The following PPP6R1 variants were observed in gnomAD, a reference collection of about 807,000 sequenced individuals.
The protein encoded by PPP6R1 is protein phosphatase 6 regulatory subunit 1.
A neutral mutation model predicts 104.6 loss-of-function variants in PPP6R1; 39 were observed. The observed-to-expected ratio is 0.37, with a 90% CI of 0.29 to 0.49. The LOEUF (loss-of-function observed/expected upper bound fraction) is 0.49. Ranked by LOEUF, PPP6R1 falls within the 20% of genes least tolerant of loss-of-function variation. PPP6R1 has a pLI of 0.98. For synonymous variants in PPP6R1, 549 were observed against 479.0 expected, an observed-to-expected ratio of 1.15 and a Z score of -1.91; for missense variants, 1,181 against 1,155.8, an observed-to-expected ratio of 1.02 and a Z score of -0.32.
intron 1 of PPP6R1, among the ~76,000 whole-genome samples, chr19:55,250,482 C>G (rs1396437956): frequency 6.6e-6 from 1 of 152,220 alleles, no homozygotes; most frequent in Non-Finnish European, 1.5e-5. Context: ...GGGACTAGCC[C>G]TGGCCACAGT....
intron 1 of PPP6R1, among the ~76,000 whole-genome samples, chr19:55,256,470 G>A (rs1013978752): frequency 5.9e-5 from 9 of 152,168 alleles, no homozygotes; most frequent in Admixed American, 2.0e-4. Context: ...GGACACAATC[G>A]CCCCCAGTTG....
Position 55,241,331 on chromosome 19 carries a change from G to GCAGC in PPP6R1, c.1065_1068dup (p.His357AlafsTer15). On this transcript the variant is annotated frameshift_variant, in exon 9 of 24. Transcript: ENST00000412770. LOFTEE classifies it high-confidence loss of function. This position sits in a 1 kb window ranked among gnomAD's most constrained non-coding sequence, Gnocchi z 5.4. ...GCACTGGCCAGGAGCTTGACCACGT[G>GCAGC]CAGCCGCGTGTTGCCCAGAGGCGGA... is the stretch of plus-strand genomic sequence containing the variant. The GCAGC allele has an allele frequency of 1.2e-6, 2 of 1,611,794 alleles. No homozygotes were observed. Among genetic ancestry groups the GCAGC allele is most frequent in the Non-Finnish European group, 1.7e-6 (2 of 1,179,750 alleles).
chr19:55,242,827 T>C (rs1259749197), intron 5 of PPP6R1, among the ~76,000 whole-genome samples: 2 of 152,098 alleles, frequency 1.3e-5, no homozygotes, highest in Non-Finnish European at 2.9e-5. Flanking sequence ...AGAGTGCTAA[T>C]CAGCCAGGAA....
intron 16 of PPP6R1, 24 bp from the exon 17 acceptor site, chr19:55,236,845 A>C (rs1373801436): frequency 3.1e-6 from 5 of 1,613,584 alleles, no homozygotes; most frequent in Non-Finnish European, 4.2e-6. Flanking sequence ...GGGTGGGAGG[A>C]TGGGCCACAC....
chr19:55,255,034 G>A (rs1410328338), intron 1 of PPP6R1, among the ~76,000 whole-genome samples: 2 of 152,156 alleles, frequency 1.3e-5, no homozygotes, highest in Non-Finnish European at 2.9e-5. Context: ...AAGGGGGAGC[G>A]GCCCAAGGCC....
chr19:55,246,848 A>G (rs1319676489), intron 2 of PPP6R1, 29 bp downstream of exon 2: 1 of 1,526,152 alleles, frequency 6.6e-7, no homozygotes, highest in Admixed American at 2.0e-5. Flanking sequence ...GCTGATAGGG[A>G]CGGGCTGGCC....
At chr19:55,240,648 C>T (rs2087447075) in intron 10 of PPP6R1, among the ~76,000 whole-genome samples, 2 of 150,454 alleles carry the variant, frequency 1.3e-5, no homozygotes, top group South Asian at 4.2e-4. Flanking sequence ...CACACGCTTG[C>T]ACTGACACAT....
At chr19:55,237,088 G>A in intron 15 of PPP6R1, 118 bp from the exon 16 acceptor site, 1 of 1,110,276 alleles carries the variant, frequency 9.0e-7, no homozygotes, top group South Asian at 1.3e-5. Flanking sequence ...TGCAGATTTG[G>A]TATCTGCAAA....
intron 2 of PPP6R1, among the ~76,000 whole-genome samples, chr19:55,246,090 G>C (rs1242204617): frequency 6.6e-6 from 1 of 152,072 alleles, no homozygotes; most frequent in East Asian, 1.9e-4. Flanking sequence ...ACTTTCACAC[G>C]GTGCCTGACG....
intron 17 of PPP6R1, among the ~76,000 whole-genome samples, chr19:55,233,746 T>C (rs1004306106): frequency 3.3e-5 from 5 of 152,178 alleles, no homozygotes; most frequent in African/African-American, 1.2e-4. Context: ...CCTCATACTC[T>C]AAAACCTACG....
downstream of PPP6R1, chr19:55,228,790 A>T (rs2087310889): frequency 3.1e-6 from 5 of 1,587,492 alleles, no homozygotes; most frequent in Non-Finnish European, 4.3e-6. Flanking sequence ...GAGTGGCTTC[A>T]GGGGGTGGAG....
chr19:55,235,300 A>G (rs1216324299), intron 17 of PPP6R1, among the ~76,000 whole-genome samples: 2 of 151,986 alleles, frequency 1.3e-5, no homozygotes, highest in African/African-American at 4.8e-5. Context: ...TACTGGAATT[A>G]GAGAAGAGAG....
At position 55,245,176 on chromosome 19, in the gene PPP6R1, C is replaced by T. The variant is rs62126345; in HGVS notation, c.562G>A (p.Glu188Lys). The change falls in exon 5 of 24, where the codon GAG becomes AAG. Residue 188 changes from glutamate (E) to lysine (K), a missense_variant. Glu to Lys is a moderately conservative substitution (Grantham distance 56). This residue lies in a region of PPP6R1 where 1,042 missense variants were observed against 955.6 expected (regional missense o/e 1.09). Transcript: ENST00000412770. The surrounding 1 kb of genome is among the most constrained non-coding windows in gnomAD (Gnocchi z 6.4). ...ATCAGCCGCTGGACGATCTTCTCCT[C>T]GTTGAGCCACTGAGGGTGAGAAGGC... ...LRQDVVNWLNEEKIVQRLIEQ... is the reference protein window; with the variant it reads ...LRQDVVNWLNKEKIVQRLIEQ... The T allele has an allele frequency of 1.4e-4, 218 of 1,612,860 alleles. No homozygotes were observed. Among genetic ancestry groups the T allele is most frequent in the Non-Finnish European group, 1.8e-4 (214 of 1,179,592 alleles).
At position 55,246,652 on chromosome 19, in the gene PPP6R1, C is replaced by A. The variant is rs1020286436; in HGVS notation, c.227+225G>T. On this transcript the variant is annotated intron_variant, in intron 2 of 23. Coordinates refer to ENST00000412770, the MANE Select transcript of PPP6R1 (RefSeq NM_014931.4). ...ACCTGGGCCCGTGAATTTGTGGCTG[C>A]CGTGACCCGTGACTGTGCCACTGCC... Among the ~76,000 whole-genome samples the A allele has an allele frequency of 3.9e-5, 6 of 152,192 alleles. No individual in the cohort carries two copies. In the South Asian group the frequency reaches 1.2e-3, roughly 32 times the overall value.
At position 55,236,636 on chromosome 19, in the gene PPP6R1, G is replaced by A. The variant is rs1222105358; in HGVS notation, c.1988+7C>T. 14 of 1,533,860 alleles carry A rather than the reference G, an allele frequency of 9.1e-6. No homozygotes were observed. The highest frequency in any genetic ancestry group is 1.2e-5 in the Non-Finnish European group (14 of 1,145,914). The stretch of plus-strand genomic sequence containing the variant: ...GCTTGGAGAAGGGAAACTGGAGGGG[G>A]ACTCACCGGACACCAGGTGGCTGGC... On this transcript the variant is annotated splice_region_variant and intron_variant, in intron 17 of 23. Coordinates refer to ENST00000412770, the MANE Select transcript of PPP6R1 (RefSeq NM_014931.4).
chr19:55,240,968 T>A lies in PPP6R1; in HGVS notation c.1273A>T (p.Ile425Phe), dbSNP rs766414436. The change falls in exon 10 of 24, where the codon ATC (isoleucine) becomes TTC (phenylalanine). Residue 425 changes from isoleucine (I) to phenylalanine (F), a missense_variant. Physicochemically the swap from Ile to Phe is conservative, Grantham distance 21. This residue lies in a region of PPP6R1 where 1,042 missense variants were observed against 955.6 expected (regional missense o/e 1.09). Coordinates refer to ENST00000412770, the MANE Select transcript of PPP6R1 (RefSeq NM_014931.4). ...ACATGTTTCACAACAGGGTTTTGGATGGGCGTCTCAGGGCTGCTGTCAGGA... is the reference window on the plus strand; with the variant it reads ...ACATGTTTCACAACAGGGTTTTGGAAGGGCGTCTCAGGGCTGCTGTCAGGA... ...PPPDSSPETP[I>F]QNPVVKHLLQ... 10 of 1,604,662 alleles carry A rather than the reference T, an allele frequency of 6.2e-6. No individual in the cohort carries two copies. The highest frequency in any genetic ancestry group is 3.4e-5 in the South Asian group (3 of 88,686).
intron 14 of PPP6R1, 27 bp from the exon 15 acceptor site, chr19:55,239,529 G>A (rs771796452): frequency 6.2e-7 from 1 of 1,612,526 alleles, no homozygotes; most frequent in African/African-American, 1.3e-5. Flanking sequence ...GTTAGGGCTG[G>A]AGGGAGTTGG....
chr19:55,257,141 C>G (rs909533365), intron 1 of PPP6R1, among the ~76,000 whole-genome samples: 1 of 152,114 alleles, frequency 6.6e-6, no homozygotes, highest in African/African-American at 2.4e-5. Flanking sequence ...AACAGCCATC[C>G]CACCACTAGT....
intron 1 of PPP6R1, among the ~76,000 whole-genome samples, chr19:55,254,698 T>C (rs1244920197): frequency 1.3e-5 from 2 of 152,304 alleles, no homozygotes; most frequent in African/African-American, 4.8e-5. Context: ...CTCCAACGCC[T>C]GGCCCCCTGG....
Sources: allele counts gnomAD v4.1 joint callset (sites outside exome capture counted in the v4.1 genomes callset), GRCh38; gene constraint gnomAD v4.1.1; regional missense constraint gnomAD v4.1.1; non-coding constraint Gnocchi (gnomAD v3.1); transcripts MANE v1.5; gene names NCBI Gene and HGNC (gene_info 2026-07-23, HGNC 2026-07-21).